Variants in ROBO2 observed in about 807,000 individuals in gnomAD.
ROBO2 encodes roundabout homolog 2.
A neutral mutation model predicts 160.8 loss-of-function variants in ROBO2; 53 were observed. That is an observed-to-expected ratio of 0.33 (90% CI 0.26 to 0.41). ROBO2 has a LOEUF of 0.41. Ranked by LOEUF, ROBO2 falls within the 10% of genes least tolerant of loss-of-function variation. ROBO2 has a pLI of 1.00. For missense variants in ROBO2, 1,577 were observed against 1,722.4 expected, an observed-to-expected ratio of 0.92 and a Z score of 1.49; for synonymous variants, 664 against 611.7, an observed-to-expected ratio of 1.09 and a Z score of -1.26.
At chr3:76,479,904 T>A (rs1253372274) in intron 2 of ROBO2, among the ~76,000 whole-genome samples, 1 of 152,178 alleles carries the variant, frequency 6.6e-6, no homozygotes, top group Non-Finnish European at 1.5e-5. Flanking sequence ...TGTTTTCAAT[T>A]GTTTAGACAT....
chr3:76,489,714 A>G (rs1180184851), intron 2 of ROBO2, among the ~76,000 whole-genome samples: 1 of 152,124 alleles, frequency 6.6e-6, no homozygotes, highest in Non-Finnish European at 1.5e-5. Flanking sequence ...TAACTTTTAC[A>G]TATGTAAATC....
chr3:77,365,766 A>G (rs943482263), intron 2 of ROBO2, among the ~76,000 whole-genome samples: 1 of 152,146 alleles, frequency 6.6e-6, no homozygotes, highest in Non-Finnish European at 1.5e-5. Context: ...CTCTCATGGT[A>G]TAGCCCAGAG....
chr3:77,320,410 A>T (rs1369322711), intron 2 of ROBO2, among the ~76,000 whole-genome samples: 1 of 152,168 alleles, frequency 6.6e-6, no homozygotes, highest in Non-Finnish European at 1.5e-5. Context: ...TGGTAAAGGA[A>T]TAAGATTGCA....
chr3:77,143,819 AT>A (rs1311914271), intron 2 of ROBO2, among the ~76,000 whole-genome samples: 1 of 149,680 alleles, frequency 6.7e-6, no homozygotes, highest in Admixed American at 6.6e-5. Context: ...TTTTTTTCAT[AT>A]TTTTTAGTAT....
chr3:77,056,545 T>C (rs2065763621), intron 1 of ROBO2, among the ~76,000 whole-genome samples: 1 of 152,138 alleles, frequency 6.6e-6, no homozygotes, highest in Non-Finnish European at 1.5e-5. Context: ...TGAAATTGTG[T>C]GGGCAATTCA....
intron 2 of ROBO2, among the ~76,000 whole-genome samples, chr3:77,192,026 TA>T (rs1400036516): frequency 1.3e-5 from 2 of 152,156 alleles, no homozygotes; most frequent in African/African-American, 4.8e-5. Flanking sequence ...GAATGAGTAG[TA>T]ATGTCTAAAC....
At chr3:77,301,808 G>A (rs187068301) in intron 2 of ROBO2, among the ~76,000 whole-genome samples, 6 of 152,080 alleles carry the variant, frequency 3.9e-5, no homozygotes, top group Admixed American at 2.6e-4. Flanking sequence ...CTGGGGTTAA[G>A]CTCCCCAATT....
chr3:76,246,157 A>G (rs145068484), intron 2 of ROBO2, among the ~76,000 whole-genome samples: 47 of 152,194 alleles, frequency 3.1e-4, no homozygotes, highest in African/African-American at 1.1e-3. Context: ...TATTTTTTCA[A>G]TGATCAGGAA....
chr3:77,327,411 C>G (rs1347940335), intron 2 of ROBO2, among the ~76,000 whole-genome samples: 1 of 152,116 alleles, frequency 6.6e-6, no homozygotes, highest in Admixed American at 6.5e-5. Flanking sequence ...AGAGAAAGAA[C>G]TAGATAAATA....
chr3:76,924,622 G>A (rs2076865802), intron 2 of ROBO2, among the ~76,000 whole-genome samples: 1 of 152,182 alleles, frequency 6.6e-6, no homozygotes, highest in Non-Finnish European at 1.5e-5. Context: ...TAAGCAGGAA[G>A]CCATATTCAA....
At chr3:76,500,825 G>A (rs546739009) in intron 2 of ROBO2, among the ~76,000 whole-genome samples, 3 of 152,256 alleles carry the variant, frequency 2.0e-5, no homozygotes, top group East Asian at 3.9e-4. Flanking sequence ...TTGAACAAGG[G>A]AAGAATAAAA....
At chr3:76,842,403 CAA>C (rs1157005273) in intron 2 of ROBO2, among the ~76,000 whole-genome samples, 1 of 152,136 alleles carries the variant, frequency 6.6e-6, no homozygotes, top group East Asian at 1.9e-4. Flanking sequence ...TCACAGATGA[CAA>C]AGACACTGGG....
At chr3:76,125,575 A>G (rs971962376) in intron 2 of ROBO2, among the ~76,000 whole-genome samples, 5 of 151,576 alleles carry the variant, frequency 3.3e-5, no homozygotes, top group Non-Finnish European at 7.4e-5. Flanking sequence ...TGTGGTTTGG[A>G]TTTGCATTTC....
chr3:77,189,674 G>T (rs2081633389), intron 2 of ROBO2, among the ~76,000 whole-genome samples: 1 of 151,918 alleles, frequency 6.6e-6, no homozygotes, highest in South Asian at 2.1e-4. Flanking sequence ...GGGTATATGA[G>T]TATACACAGT....
intron 2 of ROBO2, among the ~76,000 whole-genome samples, chr3:76,775,668 T>A (rs1330307721): frequency 2.7e-5 from 4 of 150,646 alleles, no homozygotes; most frequent in Non-Finnish European, 3.0e-5. Flanking sequence ...AGCATTAACA[T>A]CTTTTCAGAA....
intron 2 of ROBO2, among the ~76,000 whole-genome samples, chr3:76,699,404 C>G (rs2093000109): frequency 6.8e-6 from 1 of 147,834 alleles, no homozygotes; most frequent in Non-Finnish European, 1.5e-5. Flanking sequence ...TCCAGGCAGG[C>G]CTTCATCTCA....
At chr3:77,147,908 T>C (rs1050983089) in intron 2 of ROBO2, among the ~76,000 whole-genome samples, 5 of 152,004 alleles carry the variant, frequency 3.3e-5, no homozygotes, top group African/African-American at 1.2e-4. Flanking sequence ...TTATAAAGGA[T>C]CTGTTGAATT....
chr3:76,288,381 A>G (rs1449984210), intron 2 of ROBO2, among the ~76,000 whole-genome samples: 1 of 152,184 alleles, frequency 6.6e-6, no homozygotes, highest in Non-Finnish European at 1.5e-5. Context: ...AACCTCAGAT[A>G]ATGAGAAAAC....
chr3:77,355,127 C>T (rs7432408), intron 2 of ROBO2, among the ~76,000 whole-genome samples: 1 of 106,200 alleles, frequency 9.4e-6, no homozygotes, highest in East Asian at 2.0e-4. Context: ...CCTCCCATCC[C>T]CATACCCTAG....
Sources: gnomAD v4.1 joint callset for allele counts (sites outside exome capture counted in the v4.1 genomes callset) on GRCh38, gnomAD v4.1.1 for gene constraint, MANE v1.5 for transcripts, NCBI Gene and HGNC (gene_info 2026-07-23, HGNC 2026-07-21) for gene names.